Variants in SLC25A26 observed in about 807,000 individuals in gnomAD.
SLC25A26 encodes mitochondrial S-adenosylmethionine carrier protein.
In SLC25A26, 36 loss-of-function variants were observed where a neutral mutation model predicts 37.8. The observed-to-expected ratio is 0.95, with a 90% confidence interval of 0.73 to 1.26. SLC25A26 has a LOEUF of 1.26. Ranked by LOEUF, SLC25A26 falls within the 50% of genes most tolerant of loss-of-function variation. The pLI, the probability that SLC25A26 is intolerant of heterozygous loss-of-function variation, is 0.00. For synonymous variants in SLC25A26, 129 were observed against 122.5 expected, an observed-to-expected ratio of 1.05 and a Z score of -0.35; for missense variants, 390 against 331.1, an observed-to-expected ratio of 1.18 and a Z score of -1.38.
chr3:66,201,141 G>A (rs1247424135), intron 1 of SLC25A26, among the ~76,000 whole-genome samples: 2 of 152,040 alleles, frequency 1.3e-5, no homozygotes, highest in Admixed American at 1.3e-4. Flanking sequence ...GGGGAAATGA[G>A]ACCAGTAAGA....
At chr3:66,304,682 A>G (rs2075167665) in intron 5 of SLC25A26, 2 of 265,100 alleles carry the variant, frequency 7.5e-6, no homozygotes, top group Admixed American at 9.7e-5. Context: ...TGCTTTTAGA[A>G]TCATTATATC....
chr3:66,344,905 C>A (rs562235695), intron 5 of SLC25A26, among the ~76,000 whole-genome samples: 1 of 152,182 alleles, frequency 6.6e-6, no homozygotes, highest in Non-Finnish European at 1.5e-5. Flanking sequence ...GGCTTCTTAC[C>A]TCCTAACTGC....
intron 5 of SLC25A26, chr3:66,293,157 AG>A (rs913513524): frequency 1.3e-5 from 2 of 152,318 alleles, no homozygotes; most frequent in African/African-American, 4.8e-5. Flanking sequence ...ATCCTTGCAC[AG>A]GGCCCATGCT....
At chr3:66,331,038 CTA>C (rs1158954360) in intron 5 of SLC25A26, among the ~76,000 whole-genome samples, 2 of 151,936 alleles carry the variant, frequency 1.3e-5, no homozygotes, top group African/African-American at 4.8e-5. Context: ...TATATGGAAA[CTA>C]TCTCTTCTTT....
Position 66,314,050 on chromosome 3 carries a change from A to G in SLC25A26, c.454-32314A>G, listed in dbSNP as rs143025224. Among the ~76,000 whole-genome samples the G allele has an allele frequency of 7.1e-3, 1,075 of 152,308 alleles. 10 individuals carry two copies. The highest frequency in any genetic ancestry group is 0.023 in the African/African-American group (973 of 41,562). ...GACAATGGGGTTTTCTAGAAGGAGT[A>G]TCATGTCATCTGCAAACAGAGACAA... On this transcript the variant is annotated intron_variant, in intron 5 of 9. Coordinates refer to ENST00000354883, the MANE Select transcript of SLC25A26 (RefSeq NM_001379210.1).
intron 1 of SLC25A26, among the ~76,000 whole-genome samples, chr3:66,151,281 C>T (rs1000970922): frequency 1.3e-5 from 2 of 151,970 alleles, no homozygotes; most frequent in African/African-American, 2.4e-5. Context: ...CAATAACAAG[C>T]GGGCTGTGGG....
chr3:66,259,940 G>C (rs2107266490), intron 3 of SLC25A26, among the ~76,000 whole-genome samples: 1 of 152,272 alleles, frequency 6.6e-6, no homozygotes, highest in Admixed American at 6.5e-5. Context: ...ATACGGAATG[G>C]TGTGGGCAGC....
chr3:66,153,593 T>C (rs2070236917), intron 1 of SLC25A26, among the ~76,000 whole-genome samples: 1 of 152,242 alleles, frequency 6.6e-6, no homozygotes, highest in Non-Finnish European at 1.5e-5. Flanking sequence ...GCGCAGAATT[T>C]CTTTTAATGT....
upstream of SLC25A26, among the ~76,000 whole-genome samples, chr3:66,216,401 A>G (rs1185485554): frequency 6.6e-6 from 1 of 152,098 alleles, no homozygotes; most frequent in African/African-American, 2.4e-5. Context: ...AGTCCCACCT[A>G]CTTGAGGAGC....
At chr3:66,243,054 TG>T (rs2072656173) in intron 2 of SLC25A26, 148 bp from the exon 3 acceptor site, 1 of 516,496 alleles carries the variant, frequency 1.9e-6, no homozygotes, top group Non-Finnish European at 3.4e-6. Context: ...TCTGAAAGAG[TG>T]GGGGTAGGAA....
intron 5 of SLC25A26, among the ~76,000 whole-genome samples, chr3:66,280,399 A>G (rs1211970776): frequency 6.6e-6 from 1 of 152,198 alleles, no homozygotes; most frequent in Non-Finnish European, 1.5e-5. Flanking sequence ...ATACCTTGTC[A>G]TGATTCCCAG....
At chr3:66,150,582 C>A (rs1306959778) in intron 1 of SLC25A26, among the ~76,000 whole-genome samples, 63 of 55,332 alleles carry the variant, frequency 1.1e-3, no homozygotes, top group South Asian at 1.9e-3. Context: ...ATATATATAT[C>A]ATGATATATA....
At chr3:66,244,764 A>G (rs2072748355) in intron 3 of SLC25A26, among the ~76,000 whole-genome samples, 1 of 152,038 alleles carries the variant, frequency 6.6e-6, no homozygotes, top group Non-Finnish European at 1.5e-5. Context: ...TGAGGTCAGG[A>G]GATCGAGAGC....
At chr3:66,135,459 G>A (rs2069932561) in intron 1 of SLC25A26, among the ~76,000 whole-genome samples, 1 of 152,168 alleles carries the variant, frequency 6.6e-6, no homozygotes, top group African/African-American at 2.4e-5. Context: ...ATATTTTAAT[G>A]TGAACAATTG....
chr3:66,227,160 C>G lies in SLC25A26; in HGVS notation c.33+6033C>G, dbSNP rs556736830. Among the ~76,000 whole-genome samples, 5 of 152,298 alleles carry G rather than the reference C, an allele frequency of 3.3e-5. No individual in the cohort carries two copies. The South Asian group carries it at 8.3e-4, about 25-fold the overall frequency. Reference sequence around the variant, plus strand: ...CGAAGACTTGCTGACATAACTTAGTCTGGGACATTTTCATCCTTTTCATCA... The same window carrying G: ...CGAAGACTTGCTGACATAACTTAGTGTGGGACATTTTCATCCTTTTCATCA... On this transcript the variant is annotated intron_variant, in intron 1 of 9. Coordinates refer to ENST00000354883, the MANE Select transcript of SLC25A26 (RefSeq NM_001379210.1).
chr3:66,203,991 C>A (rs2071141305), intron 1 of SLC25A26, among the ~76,000 whole-genome samples: 1 of 152,142 alleles, frequency 6.6e-6, no homozygotes, highest in Non-Finnish European at 1.5e-5. Flanking sequence ...TGGAAAGAGG[C>A]AAAGAGAAGA....
intron 5 of SLC25A26, among the ~76,000 whole-genome samples, chr3:66,292,930 C>T (rs747303624): frequency 6.6e-6 from 1 of 152,096 alleles, no homozygotes; most frequent in African/African-American, 2.4e-5. Context: ...GCCAATCAAA[C>T]GTAGGTTTGG....
intron 3 of SLC25A26, among the ~76,000 whole-genome samples, chr3:66,245,102 C>A (rs1415370259): frequency 6.6e-6 from 1 of 151,962 alleles, no homozygotes; most frequent in African/African-American, 2.4e-5. Flanking sequence ...AGATGGGGGT[C>A]TCTTTATGTT....
intron 7 of SLC25A26, 42 bp downstream of exon 7, chr3:66,362,971 G>GA: frequency 7.7e-7 from 1 of 1,303,316 alleles, no homozygotes; most frequent in Non-Finnish European, 1.1e-6. Context: ...CAAAGAGGGG[G>GA]AAAAATGTGA....
Sources: gnomAD v4.1 joint callset for allele counts (sites outside exome capture counted in the v4.1 genomes callset) on GRCh38, gnomAD v4.1.1 for gene constraint, MANE v1.5 for transcripts, NCBI Gene and HGNC (gene_info 2026-07-23, HGNC 2026-07-21) for gene names.